Variants in GMDS observed in about 807,000 individuals in gnomAD.
The protein encoded by GMDS is GDP-mannose 4,6-dehydratase.
GMDS carries 20 observed loss-of-function variants against 49.9 expected under a neutral mutation model. That is an observed-to-expected ratio of 0.40 (90% CI 0.28 to 0.58). The LOEUF (loss-of-function observed/expected upper bound fraction) is 0.58. Ranked by LOEUF, GMDS falls within the 20% of genes least tolerant of loss-of-function variation. The pLI, the probability that GMDS is intolerant of heterozygous loss-of-function variation, is 0.42. For synonymous variants in GMDS, 177 were observed against 178.6 expected (o/e 0.99, Z 0.07); for missense variants, 362 against 481.4 (o/e 0.75, Z 2.32).
intron 1 of GMDS, among the ~76,000 whole-genome samples, chr6:2,153,495 A>C (rs954582440): frequency 6.6e-6 from 1 of 152,224 alleles, no homozygotes; most frequent in South Asian, 2.1e-4. Flanking sequence ...AAAAGTAAAC[A>C]TAACAACAGT....
chr6:1,877,525 C>T (rs1159246188), intron 7 of GMDS, among the ~76,000 whole-genome samples: 4 of 151,214 alleles, frequency 2.6e-5, no homozygotes, highest in Non-Finnish European at 5.9e-5. Context: ...TTAGTCCCAA[C>T]AACTCGGGAA....
At chr6:1,660,242 C>T (rs1158258328) in intron 9 of GMDS, among the ~76,000 whole-genome samples, 2 of 152,158 alleles carry the variant, frequency 1.3e-5, no homozygotes, top group African/African-American at 4.8e-5. Context: ...GTGCCAATTA[C>T]ATTTCAAGCA....
At chr6:1,677,457 C>A (rs902066448) in intron 9 of GMDS, among the ~76,000 whole-genome samples, 2 of 152,076 alleles carry the variant, frequency 1.3e-5, no homozygotes, top group Non-Finnish European at 2.9e-5. Flanking sequence ...CATATACCCA[C>A]AGGATTATAA....
At chr6:1,957,101 C>A (rs1247894368) in intron 6 of GMDS, among the ~76,000 whole-genome samples, 1 of 152,060 alleles carries the variant, frequency 6.6e-6, no homozygotes, top group Non-Finnish European at 1.5e-5. Context: ...TCGCGCCCGG[C>A]CCATTTATTA....
At chr6:2,010,277 A>C (rs754142474) in intron 4 of GMDS, among the ~76,000 whole-genome samples, 3 of 150,932 alleles carry the variant, frequency 2.0e-5, no homozygotes, top group East Asian at 3.9e-4. Flanking sequence ...CAGGGAGCCG[A>C]GATCGTGCCA....
At chr6:1,721,810 T>A (rs528519056) in intron 9 of GMDS, among the ~76,000 whole-genome samples, 1 of 152,202 alleles carries the variant, frequency 6.6e-6, no homozygotes, top group East Asian at 1.9e-4. Context: ...TATTAATAGG[T>A]CAATAGTAGT....
At chr6:2,222,091 T>C (rs1447984546) in intron 1 of GMDS, among the ~76,000 whole-genome samples, 1 of 152,224 alleles carries the variant, frequency 6.6e-6, no homozygotes. Flanking sequence ...TGGAGGTGAT[T>C]AGCTGGAAGC....
intron 6 of GMDS, among the ~76,000 whole-genome samples, chr6:1,937,140 T>C (rs573499085): frequency 2.0e-5 from 3 of 152,270 alleles, no homozygotes; most frequent in Admixed American, 1.3e-4. Context: ...CTAGCAGCGA[T>C]AGGTGTGCAG....
At chr6:1,710,679 C>T (rs1273021527) in intron 9 of GMDS, among the ~76,000 whole-genome samples, 1 of 152,218 alleles carries the variant, frequency 6.6e-6, no homozygotes, top group East Asian at 1.9e-4. Flanking sequence ...AAAATCTTGA[C>T]GTCTACATTT....
At chr6:1,900,928 T>A (rs1384351241) in intron 7 of GMDS, among the ~76,000 whole-genome samples, 1 of 152,242 alleles carries the variant, frequency 6.6e-6, no homozygotes, top group Non-Finnish European at 1.5e-5. Context: ...TATGCCAACA[T>A]GTCGCGCTAA....
intron 7 of GMDS, among the ~76,000 whole-genome samples, chr6:1,909,765 C>T (rs1013855029): frequency 1.3e-5 from 2 of 152,146 alleles, no homozygotes; most frequent in African/African-American, 4.8e-5. Flanking sequence ...AGGCACAAGG[C>T]GAGGGTCACA....
chr6:1,871,486 C>T (rs1758748731), intron 7 of GMDS, among the ~76,000 whole-genome samples: 1 of 152,060 alleles, frequency 6.6e-6, no homozygotes, highest in Non-Finnish European at 1.5e-5. Context: ...AAATAAATAA[C>T]AATAAATGAT....
chr6:1,780,894 T>A (rs1414873135), intron 7 of GMDS, among the ~76,000 whole-genome samples: 2 of 152,148 alleles, frequency 1.3e-5, no homozygotes, highest in Non-Finnish European at 2.9e-5. Flanking sequence ...GGAACCAAAC[T>A]TATATTTTAA....
intron 4 of GMDS, among the ~76,000 whole-genome samples, chr6:2,086,898 G>A (rs1225145939): frequency 6.6e-6 from 1 of 152,162 alleles, no homozygotes; most frequent in Non-Finnish European, 1.5e-5. Context: ...AAAAAGCTCT[G>A]AAATATTTGT....
chr6:2,054,625 A>T (rs1770675240), intron 4 of GMDS, among the ~76,000 whole-genome samples: 2 of 152,142 alleles, frequency 1.3e-5, no homozygotes, highest in African/African-American at 4.8e-5. Context: ...TCTGTGTATA[A>T]ACTCTGCCCA....
At chr6:2,175,810 A>C (rs541303539) in intron 1 of GMDS, 1 of 634,646 alleles carries the variant, frequency 1.6e-6, no homozygotes, top group Non-Finnish European at 2.8e-6. Flanking sequence ...TATAGCCCTT[A>C]AAACATGTTG....
intron 9 of GMDS, among the ~76,000 whole-genome samples, chr6:1,674,376 T>C (rs1440238880): frequency 1.3e-5 from 2 of 152,146 alleles, no homozygotes; most frequent in Non-Finnish European, 2.9e-5. Context: ...TTTCTTGTGG[T>C]TGAGTTTTAA....
chr6:2,045,608 T>A (rs1769958894), intron 4 of GMDS, among the ~76,000 whole-genome samples: 1 of 152,152 alleles, frequency 6.6e-6, no homozygotes, highest in Non-Finnish European at 1.5e-5. Context: ...TTGGGGGTTT[T>A]GTTTGTATGT....
intron 6 of GMDS, among the ~76,000 whole-genome samples, chr6:1,955,915 T>C (rs1408882617): frequency 6.6e-6 from 1 of 152,214 alleles, no homozygotes; most frequent in Non-Finnish European, 1.5e-5. Context: ...CATCAGTTAC[T>C]AGCTTATTTG....
Sources: gnomAD v4.1 joint callset for allele counts (sites outside exome capture counted in the v4.1 genomes callset) on GRCh38, gnomAD v4.1.1 for gene constraint, MANE v1.5 for transcripts, NCBI Gene and HGNC (gene_info 2026-07-23, HGNC 2026-07-21) for gene names.